Variants in CREBBP observed in about 807,000 individuals in gnomAD.
CREBBP encodes the protein CREB binding lysine acetyltransferase.
In CREBBP, 19 loss-of-function variants were observed where a neutral mutation model predicts 265.0. The ratio of observed to expected loss-of-function variants is 0.07; its 90% CI spans 0.05 to 0.11. The LOEUF (loss-of-function observed/expected upper bound fraction) is 0.11. CREBBP is among the 10% of genes least tolerant of loss of function. The pLI, the probability that CREBBP is intolerant of heterozygous loss-of-function variation, is 1.00. For missense variants in CREBBP, 2,525 were observed against 3,219.0 expected (o/e 0.78, Z 5.22); for synonymous variants, 1,457 against 1,223.7 (o/e 1.19, Z -3.98).
chr16:3,805,645 T>C (rs989405746), intron 3 of CREBBP, among the ~76,000 whole-genome samples: 2 of 152,050 alleles, frequency 1.3e-5, no homozygotes, highest in African/African-American at 4.8e-5. Flanking sequence ...GGACAGAAAA[T>C]TATGAAAATA....
Position 3,880,024 on chromosome 16 carries a change from C to G in CREBBP, c.-108G>C, listed in dbSNP as rs1294620471. 2 of 976,946 alleles carry G rather than the reference C, an allele frequency of 2.0e-6. No individual in the cohort carries two copies. 60.5% of individuals were successfully genotyped at this position (976,946 alleles called of 1,614,324 possible). ...TGCGAGGGAGAGGAGCGAGCGCGGGCCGCGAGCGGGCGGGCGGGCGCCGAG... is the reference window on the plus strand; with the variant it reads ...TGCGAGGGAGAGGAGCGAGCGCGGGGCGCGAGCGGGCGGGCGGGCGCCGAG... On this transcript the variant is annotated 5_prime_UTR_variant, in exon 1 of 31. Coordinates refer to ENST00000262367, the MANE Select transcript of CREBBP (RefSeq NM_004380.3).
At chr16:3,794,060 G>A (rs916886269) in intron 3 of CREBBP, among the ~76,000 whole-genome samples, 2 of 150,516 alleles carry the variant, frequency 1.3e-5, no homozygotes, top group Admixed American at 1.3e-4. Flanking sequence ...GAGCGCGTTG[G>A]CTCACGCCTG....
In CREBBP at chr16:3,736,368, CCCA is replaced by C. The variant is rs547864843; in HGVS notation, c.4561-168_4561-166del. On this transcript the variant is annotated intron_variant, in intron 27 of 30. Transcript: ENST00000262367. ...AGCAGACCCCCACACATGTGCACCC[CCCA>C]CCACAGTGCTGGAGCCCCTATGTGT... is the stretch of plus-strand genomic sequence containing the variant. 6.4e-4 allele frequency: 507 copies of C among 789,352 alleles called. 2 individuals carry two copies. Among genetic ancestry groups the C allele is most frequent in the Admixed American group, 1.6e-3 (80 of 48,630 alleles). 48.9% of individuals were successfully genotyped at this position (789,352 alleles called of 1,614,324 possible).
In CREBBP at chr16:3,731,324, G is replaced by A. The variant is rs2151316706; in HGVS notation, c.5040C>T (p.Ser1680=). The A allele has an allele frequency of 6.2e-7, 1 of 1,614,142 alleles. No homozygotes were observed. Among genetic ancestry groups the A allele is most frequent in the Non-Finnish European group, 8.5e-7 (1 of 1,180,014 alleles). ...LARDKHWEFS[S]LRRSKWSTLC... ...GCGTGGACCACTTGGAGCGGCGCAA[G>A]GAGGAGAACTCCCAGTGCTTGTCTC... The change falls in exon 30 of 31, where the codon TCC becomes TCT. Residue 1680 remains serine, a synonymous_variant. Transcript: ENST00000262367. This position sits in a 1 kb window ranked among gnomAD's most constrained non-coding sequence, Gnocchi z 7.7.
In CREBBP at chr16:3,879,820, C is replaced by G; in HGVS notation, c.85+12G>C. 1.3e-6 allele frequency: 2 copies of G among 1,593,968 alleles called. No individual in the cohort carries two copies. The highest frequency in any genetic ancestry group is 1.7e-6 in the Non-Finnish European group (2 of 1,169,838). ...CGCCCCGGGCCCCCGCCGCCCCGGA[C>G]CCCCTCCTCACCTGTGCTGTCATTC... On this transcript the variant is annotated intron_variant, in intron 1 of 30. Coordinates refer to ENST00000262367, the MANE Select transcript of CREBBP (RefSeq NM_004380.3).
At chr16:3,782,553 G>T in intron 6 of CREBBP, 131 bp downstream of exon 6, 1 of 1,227,144 alleles carries the variant, frequency 8.1e-7, no homozygotes, top group Non-Finnish European at 1.1e-6. Flanking sequence ...GCTTTTTCCT[G>T]GGAGATTTTT....
rs140209351 is a variant in CREBBP at position 3,848,099 on chromosome 16, G to A, written c.798+2198C>T. 6.8e-3 allele frequency among the ~76,000 whole-genome samples: 1,041 copies of A among 152,088 alleles called. 11 individuals are homozygous for A. Among genetic ancestry groups the A allele is most frequent in the Middle Eastern group, 0.017 (5 of 294 alleles). On this transcript the variant is annotated intron_variant, in intron 2 of 30. Coordinates refer to ENST00000262367, the MANE Select transcript of CREBBP (RefSeq NM_004380.3). ...GCAGGACAATCACTTGAACCCAGGA[G>A]GCGGAGGTTGCAGTGAGCCCAGATG... is the stretch of plus-strand genomic sequence containing the variant.
intron 2 of CREBBP, among the ~76,000 whole-genome samples, chr16:3,827,873 G>C (rs1265841361): frequency 6.6e-6 from 1 of 151,804 alleles, no homozygotes; most frequent in Admixed American, 6.6e-5. Context: ...AAAATGTTTT[G>C]TAGAGATGGA....
Position 3,780,729 on chromosome 16 carries a change from T to C in CREBBP, c.1823+3A>G. On this transcript the variant is annotated splice_donor_region_variant and intron_variant, in intron 8 of 30. Transcript: ENST00000262367. ...TCTATGAAACTGCAAAACTGTTACGTACAGTTTATGCACTAGATGGCTCCG... is the reference window on the plus strand; with the variant it reads ...TCTATGAAACTGCAAAACTGTTACGCACAGTTTATGCACTAGATGGCTCCG... The C allele has an allele frequency of 2.5e-6, 4 of 1,613,882 alleles. No individual in the cohort carries two copies. The highest frequency in any genetic ancestry group is 3.4e-6 in the Non-Finnish European group (4 of 1,179,952).
chr16:3,837,035 A>C (rs1345534492), intron 2 of CREBBP, among the ~76,000 whole-genome samples: 1 of 152,200 alleles, frequency 6.6e-6, no homozygotes, highest in Non-Finnish European at 1.5e-5. Context: ...TTATGTATTT[A>C]CTACACTTAT....
At chr16:3,817,430 G>T (rs1040448737) in intron 2 of CREBBP, among the ~76,000 whole-genome samples, 6 of 152,204 alleles carry the variant, frequency 3.9e-5, no homozygotes, top group Non-Finnish European at 8.8e-5. Flanking sequence ...GGCTCAGAAA[G>T]ACCAGAAAGA....
chr16:3,833,451 A>G (rs2054382792), intron 2 of CREBBP, among the ~76,000 whole-genome samples: 2 of 152,180 alleles, frequency 1.3e-5, no homozygotes, highest in Admixed American at 1.3e-4. Flanking sequence ...ATTGTACTAG[A>G]GGTCCTAGGC....
At chr16:3,877,044 G>A (rs2055417708) in intron 1 of CREBBP, among the ~76,000 whole-genome samples, 1 of 152,268 alleles carries the variant, frequency 6.6e-6, no homozygotes, top group Middle Eastern at 3.4e-3. Flanking sequence ...CTACAGACAT[G>A]CACTGCAGTC....
chr16:3,799,184 A>G (rs774620309), intron 3 of CREBBP, among the ~76,000 whole-genome samples: 12 of 152,222 alleles, frequency 7.9e-5, no homozygotes, highest in Non-Finnish European at 1.5e-4. Context: ...GAAATGGGGA[A>G]TAACTGCTAA....
intron 2 of CREBBP, among the ~76,000 whole-genome samples, chr16:3,829,885 T>C (rs1475557389): frequency 6.6e-6 from 1 of 152,018 alleles, no homozygotes; most frequent in African/African-American, 2.4e-5. Flanking sequence ...ACAGAGATGT[T>C]GGAATTTGCC....
intron 2 of CREBBP, among the ~76,000 whole-genome samples, chr16:3,830,845 G>A (rs551336041): frequency 5.3e-5 from 8 of 152,212 alleles, no homozygotes; most frequent in East Asian, 1.9e-4. Context: ...GCAGTGGCGC[G>A]ATCTCAGCTC....
intron 28 of CREBBP, among the ~76,000 whole-genome samples, chr16:3,732,472 C>G (rs568958117): frequency 6.6e-6 from 1 of 152,348 alleles, no homozygotes; most frequent in African/African-American, 2.4e-5. Context: ...AGTGCTGCGC[C>G]TGACTGGCTG....
intron 16 of CREBBP, among the ~76,000 whole-genome samples, chr16:3,767,047 T>C (rs13380693): frequency 0.12 from 18,840 of 152,166 alleles, 2,768 homozygotes; most frequent in African/African-American, 0.34. Flanking sequence ...TTCTGAGTCC[T>C]GTCTCCCATT....
At chr16:3,779,798 C>A (rs952318540) in intron 8 of CREBBP, among the ~76,000 whole-genome samples, 1 of 152,172 alleles carries the variant, frequency 6.6e-6, no homozygotes, top group African/African-American at 2.4e-5. Context: ...AAGTCTAGCT[C>A]ATTTAAAATA....
Sources: allele counts gnomAD v4.1 joint callset (sites outside exome capture counted in the v4.1 genomes callset), GRCh38; gene constraint gnomAD v4.1.1; non-coding constraint Gnocchi (gnomAD v3.1); transcripts MANE v1.5; gene names NCBI Gene and HGNC (gene_info 2026-07-23, HGNC 2026-07-21).